Variants in CCDC178 observed in about 807,000 individuals in gnomAD.
CCDC178 encodes coiled-coil domain-containing protein 178.
A neutral mutation model predicts 117.4 loss-of-function variants in CCDC178; 126 were observed. The observed-to-expected ratio is 1.07, with a 90% CI of 0.93 to 1.24. The LOEUF (loss-of-function observed/expected upper bound fraction) is 1.24. Among genes scored for constraint, CCDC178 ranks in the 50% most tolerant of loss-of-function variants. CCDC178 has a pLI of 0.00. For synonymous variants in CCDC178, 283 were observed against 313.4 expected, an observed-to-expected ratio of 0.90 and a Z score of 1.02; for missense variants, 1,030 against 986.9, an observed-to-expected ratio of 1.04 and a Z score of -0.59.
intron 11 of CCDC178, among the ~76,000 whole-genome samples, chr18:33,318,771 A>G (rs1306505120): frequency 1.3e-5 from 2 of 152,264 alleles, no homozygotes; most frequent in African/African-American, 4.8e-5. Context: ...TCTTAAAAAC[A>G]GGCAAAACAG....
At chr18:33,090,995 A>G (rs1322643695) in intron 21 of CCDC178, among the ~76,000 whole-genome samples, 1 of 152,170 alleles carries the variant, frequency 6.6e-6, no homozygotes, top group Non-Finnish European at 1.5e-5. Context: ...CTATTTATGC[A>G]TGTATCGAAT....
rs963069992 is a variant in CCDC178, at chr18:33,419,941, T to G, written c.-22-7831A>C. 2.6e-5 allele frequency among the ~76,000 whole-genome samples: 4 copies of G among 151,996 alleles called. No individual in the cohort carries two copies. The East Asian group carries it at 7.7e-4, about 29-fold the overall frequency. ...TTTTTTTTTTCACCAATCTCATGAT[T>G]GCATATATACCCCAAAAAAATAAAG... is the stretch of plus-strand genomic sequence containing the variant. On this transcript the variant is annotated intron_variant, in intron 2 of 22. Coordinates refer to ENST00000383096, the MANE Select transcript of CCDC178 (RefSeq NM_001105528.4).
At chr18:32,990,088 C>A (rs1448876243) in intron 21 of CCDC178, among the ~76,000 whole-genome samples, 1 of 152,002 alleles carries the variant, frequency 6.6e-6, no homozygotes, top group African/African-American at 2.4e-5. Flanking sequence ...AGGATATATA[C>A]AGAGAAAATT....
intron 3 of CCDC178, among the ~76,000 whole-genome samples, chr18:33,398,302 C>G (rs1467665986): frequency 1.3e-5 from 2 of 151,546 alleles, no homozygotes; most frequent in Non-Finnish European, 2.9e-5. Flanking sequence ...GATATGATAC[C>G]CACAAAAATT....
intron 21 of CCDC178, among the ~76,000 whole-genome samples, chr18:33,063,398 G>C (rs764423410): frequency 3.9e-5 from 6 of 152,150 alleles, no homozygotes; most frequent in African/African-American, 4.8e-5. Context: ...CATAAACTCT[G>C]TTCAGGGGCC....
At chr18:33,048,676 G>GTTGCTTTTA (rs1376113063) in intron 21 of CCDC178, among the ~76,000 whole-genome samples, 5 of 152,042 alleles carry the variant, frequency 3.3e-5, no homozygotes, top group African/African-American at 7.2e-5. Context: ...TGTGAGAATC[G>GTTGCTTTTA]TTGCTTTTAT....
chr18:33,429,992 T>G (rs373308738), intron 2 of CCDC178, among the ~76,000 whole-genome samples: 1 of 152,214 alleles, frequency 6.6e-6, no homozygotes, highest in Non-Finnish European at 1.5e-5. Context: ...AAGTTTAGTA[T>G]GTATTTAGAT....
chr18:33,145,933 A>C (rs555660012), intron 20 of CCDC178, among the ~76,000 whole-genome samples: 1 of 152,382 alleles, frequency 6.6e-6, no homozygotes, highest in Admixed American at 6.5e-5. Flanking sequence ...TACAGGAAGC[A>C]CAACCTAATC....
At chr18:33,125,290 T>TA (rs1219877956) in intron 20 of CCDC178, among the ~76,000 whole-genome samples, 1 of 152,178 alleles carries the variant, frequency 6.6e-6, no homozygotes, top group Admixed American at 6.6e-5. Flanking sequence ...ATTTGATAGC[T>TA]ACCAGGCAAA....
At chr18:33,399,575 C>T (rs2063683323) in intron 3 of CCDC178, among the ~76,000 whole-genome samples, 1 of 152,186 alleles carries the variant, frequency 6.6e-6, no homozygotes, top group Non-Finnish European at 1.5e-5. Context: ...TAGAGTTCAT[C>T]TCAGGAAACC....
In CCDC178 at chr18:33,201,050, A is replaced by C. The variant is rs139999745; in HGVS notation, c.2238+10846T>G. Among the ~76,000 whole-genome samples the C allele has an allele frequency of 5.1e-4, 78 of 152,296 alleles. 1 individual carries two copies. The East Asian group carries it at 7.3e-3, about 14-fold the overall frequency. On this transcript the variant is annotated intron_variant, in intron 20 of 22. Coordinates refer to ENST00000383096, the MANE Select transcript of CCDC178 (RefSeq NM_001105528.4). ...CTTCATTTGGACTTCCATTCAGCAAATGTTGATAATTTATTGTGTCCTAGA... is the reference window on the plus strand; with the variant it reads ...CTTCATTTGGACTTCCATTCAGCAACTGTTGATAATTTATTGTGTCCTAGA...
chr18:33,139,537 C>A (rs1234853803), intron 20 of CCDC178, among the ~76,000 whole-genome samples: 2 of 152,104 alleles, frequency 1.3e-5, no homozygotes, highest in East Asian at 3.9e-4. Flanking sequence ...GCAAAGGTGA[C>A]TCTTGCTATG....
At chr18:32,957,164 G>A (rs1160551522) in intron 22 of CCDC178, among the ~76,000 whole-genome samples, 2 of 152,126 alleles carry the variant, frequency 1.3e-5, no homozygotes, top group Admixed American at 6.5e-5. Flanking sequence ...GATCCTCCTT[G>A]TTGTACAAAA....
At position 32,994,070 on chromosome 18, in the gene CCDC178, G is replaced by A. The variant is rs1156277120; in HGVS notation, c.2389-19389C>T. On this transcript the variant is annotated intron_variant, in intron 21 of 22. Coordinates refer to ENST00000383096, the MANE Select transcript of CCDC178 (RefSeq NM_001105528.4). ...ATGCTTCCTCCTCCATGATCTTACA[G>A]AGTCCTAATATTATCTCTAAAAAAG... Among the ~76,000 whole-genome samples, 4 of 151,938 alleles carry A rather than the reference G, an allele frequency of 2.6e-5. No individual in the cohort carries two copies. The South Asian group carries it at 6.2e-4, about 24-fold the overall frequency.
intron 21 of CCDC178, among the ~76,000 whole-genome samples, chr18:33,036,757 G>T (rs2056453014): frequency 6.6e-6 from 1 of 151,912 alleles, no homozygotes; most frequent in Non-Finnish European, 1.5e-5. Context: ...GGATTTTGAA[G>T]AATCACTGAA....
At chr18:32,950,466 G>A (rs2054455710) in intron 22 of CCDC178, among the ~76,000 whole-genome samples, 1 of 152,144 alleles carries the variant, frequency 6.6e-6, no homozygotes, top group African/African-American at 2.4e-5. Context: ...TCAGTGATTG[G>A]TTATTTTAGG....
intron 20 of CCDC178, among the ~76,000 whole-genome samples, chr18:33,189,121 T>A (rs957637732): frequency 2.6e-5 from 4 of 152,290 alleles, no homozygotes; most frequent in African/African-American, 4.8e-5. Context: ...AGGAGTTTCT[T>A]TGGGGTATCA....
intron 21 of CCDC178, among the ~76,000 whole-genome samples, chr18:33,057,552 C>T (rs1219029434): frequency 1.3e-5 from 2 of 152,130 alleles, no homozygotes; most frequent in East Asian, 1.9e-4. Context: ...AGTGCAATGG[C>T]GCGATCTGGG....
At chr18:33,331,025 G>GTTT (rs1315738648) in intron 10 of CCDC178, among the ~76,000 whole-genome samples, 1 of 55,166 alleles carries the variant, frequency 1.8e-5, no homozygotes, top group African/African-American at 1.3e-4. Flanking sequence ...CACAAACATT[G>GTTT]CTTTTTTTTT....
Sources: gnomAD v4.1 joint callset for allele counts (sites outside exome capture counted in the v4.1 genomes callset) on GRCh38, gnomAD v4.1.1 for gene constraint, MANE v1.5 for transcripts, NCBI Gene and HGNC (gene_info 2026-07-23, HGNC 2026-07-21) for gene names.